The following TRIM2 variants were observed in gnomAD, a reference collection of about 807,000 sequenced individuals.
TRIM2 encodes the protein tripartite motif-containing protein 2.
TRIM2 carries 20 observed loss-of-function variants against 75.2 expected under a neutral mutation model. The ratio of observed to expected loss-of-function variants is 0.27; its 90% CI spans 0.19 to 0.39. TRIM2 has a LOEUF of 0.39. Ranked by LOEUF, TRIM2 falls within the 10% of genes least tolerant of loss-of-function variation. TRIM2 has a pLI of 1.00. For missense variants in TRIM2, 660 were observed against 990.8 expected, an observed-to-expected ratio of 0.67 and a Z score of 4.48; for synonymous variants, 373 against 388.3, an observed-to-expected ratio of 0.96 and a Z score of 0.46.
chr4:153,228,726 C>T (rs1417758471), intron 1 of TRIM2, among the ~76,000 whole-genome samples: 1 of 152,266 alleles, frequency 6.6e-6, no homozygotes, highest in Non-Finnish European at 1.5e-5. Flanking sequence ...TAAATGTTCT[C>T]TTTTGCCCCA....
At chr4:153,175,266 C>T (rs1423341424) in intron 1 of TRIM2, among the ~76,000 whole-genome samples, 2 of 152,066 alleles carry the variant, frequency 1.3e-5, no homozygotes, top group Non-Finnish European at 2.9e-5. Context: ...GTGATCCACC[C>T]GCCTCGGCTT....
intron 1 of TRIM2, among the ~76,000 whole-genome samples, chr4:153,266,109 G>T (rs1754977428): frequency 6.6e-6 from 1 of 152,162 alleles, no homozygotes; most frequent in Non-Finnish European, 1.5e-5. Flanking sequence ...AGTGAGTTCT[G>T]TCTGAATGTG....
At chr4:153,278,707 G>A (rs905479562) in intron 3 of TRIM2, among the ~76,000 whole-genome samples, 2 of 151,740 alleles carry the variant, frequency 1.3e-5, no homozygotes, top group Non-Finnish European at 2.9e-5. Context: ...GCTGAGGTAG[G>A]AGGATCCTGT....
intron 6 of TRIM2, among the ~76,000 whole-genome samples, chr4:153,309,293 C>CT (rs1454242612): frequency 2.6e-5 from 4 of 152,086 alleles, no homozygotes; most frequent in Non-Finnish European, 4.4e-5. Flanking sequence ...AGGTTTTATT[C>CT]TTCCCCCTGT....
intron 1 of TRIM2, among the ~76,000 whole-genome samples, chr4:153,190,333 A>G (rs569152966): frequency 6.6e-6 from 1 of 152,386 alleles, no homozygotes; most frequent in African/African-American, 2.4e-5. Context: ...AGTGGTGGGT[A>G]TGACTTGATT....
chr4:153,297,889 G>A (rs962563408), intron 6 of TRIM2, among the ~76,000 whole-genome samples: 53 of 152,180 alleles, frequency 3.5e-4, no homozygotes, highest in African/African-American at 1.1e-3. Flanking sequence ...TGTAATATAC[G>A]TGGCATGTGC....
chr4:153,199,025 G>A (rs1440992487), intron 1 of TRIM2, among the ~76,000 whole-genome samples: 2 of 152,190 alleles, frequency 1.3e-5, no homozygotes, highest in Non-Finnish European at 2.9e-5. Flanking sequence ...TCTTTTCAAA[G>A]AACACACATC....
chr4:153,325,286 G>A (rs1769915570), intron 10 of TRIM2, among the ~76,000 whole-genome samples: 1 of 152,170 alleles, frequency 6.6e-6, no homozygotes, highest in Admixed American at 6.5e-5. Context: ...ATGGGGTCAG[G>A]ATAAGGGAAC....
At chr4:153,284,773 G>A (rs1053509884) in intron 3 of TRIM2, among the ~76,000 whole-genome samples, 7 of 152,042 alleles carry the variant, frequency 4.6e-5, no homozygotes, top group Non-Finnish European at 1.0e-4. Context: ...TTCTTTGCCC[G>A]TTTTTGAATT....
chr4:153,258,104 A>G (rs571038739), intron 1 of TRIM2, among the ~76,000 whole-genome samples: 1 of 152,064 alleles, frequency 6.6e-6, no homozygotes, highest in Non-Finnish European at 1.5e-5. Context: ...GAAATATTTG[A>G]TTTGCAGGAT....
intron 2 of TRIM2, among the ~76,000 whole-genome samples, chr4:153,271,206 C>T (rs747796511): frequency 6.6e-6 from 1 of 152,072 alleles, no homozygotes; most frequent in South Asian, 2.1e-4. Flanking sequence ...ATTAGTTTAT[C>T]TTACTTATAA....
chr4:153,167,400 AC>A (rs757962121), intron 1 of TRIM2, among the ~76,000 whole-genome samples: 3 of 152,228 alleles, frequency 2.0e-5, no homozygotes, highest in Non-Finnish European at 2.9e-5. Context: ...TAAACAAATA[AC>A]CCATTGAAAA....
chr4:153,288,014 T>C (rs183293540), intron 3 of TRIM2, among the ~76,000 whole-genome samples: 2 of 152,330 alleles, frequency 1.3e-5, no homozygotes, highest in Admixed American at 1.3e-4. Context: ...TAATTTTTCC[T>C]TCATGTTTGA....
chr4:153,238,330 T>C (rs1001844926), intron 1 of TRIM2, among the ~76,000 whole-genome samples: 9 of 152,202 alleles, frequency 5.9e-5, no homozygotes, highest in Admixed American at 5.2e-4. Flanking sequence ...GCATGACACA[T>C]GACATCACAC....
chr4:153,216,934 A>G (rs6535908), intron 1 of TRIM2, among the ~76,000 whole-genome samples: 117,316 of 152,162 alleles, frequency 0.77, 46,156 homozygotes, highest in African/African-American at 0.92. Flanking sequence ...TTCAACATAC[A>G]AAGTTGGAGG....
At position 153,336,665 on chromosome 4, in the gene TRIM2, A is replaced by G; in HGVS notation, c.*1699A>G. 1.0e-6 allele frequency: 1 copy of G among 985,364 alleles called. No individual in the cohort carries two copies. The highest frequency in any genetic ancestry group is 1.2e-6 in the Non-Finnish European group (1 of 829,498). The allele number at this position is 985,364 out of a possible 1,614,324, so 61.0% of individuals were successfully genotyped here. On this transcript the variant is annotated 3_prime_UTR_variant, in exon 12 of 12. Coordinates refer to ENST00000338700, the MANE Select transcript of TRIM2 (RefSeq NM_015271.5). Reference sequence around the variant, plus strand: ...ATTTCCCCTATGTATAATTATATGAATGTGATGTTTATTGCTTATTAATTT... The same window carrying G: ...ATTTCCCCTATGTATAATTATATGAGTGTGATGTTTATTGCTTATTAATTT...
At chr4:153,173,486 C>T (rs543212113) in intron 1 of TRIM2, among the ~76,000 whole-genome samples, 6 of 150,728 alleles carry the variant, frequency 4.0e-5, no homozygotes, top group Non-Finnish European at 7.4e-5. Flanking sequence ...CATGGTAAAA[C>T]CCCATCTCTA....
At chr4:153,257,656 T>A in intron 1 of TRIM2, 1 of 1,199,102 alleles carries the variant, frequency 8.3e-7, no homozygotes, top group Non-Finnish European at 1.1e-6. Context: ...CAACTTGAAG[T>A]GTTAGCAGAA....
intron 1 of TRIM2, among the ~76,000 whole-genome samples, chr4:153,175,445 T>G (rs979363603): frequency 5.9e-5 from 9 of 151,910 alleles, no homozygotes; most frequent in African/African-American, 2.2e-4. Context: ...GATGGTGGCC[T>G]TCACCGAGAC....
Sources: gnomAD v4.1 joint callset for allele counts (sites outside exome capture counted in the v4.1 genomes callset) on GRCh38, gnomAD v4.1.1 for gene constraint, MANE v1.5 for transcripts, NCBI Gene and HGNC (gene_info 2026-07-23, HGNC 2026-07-21) for gene names.